The following NECTIN3 variants were observed in gnomAD, a reference collection of about 807,000 sequenced individuals.
The protein encoded by NECTIN3 is nectin cell adhesion molecule 3.
Under a neutral mutation model 49.4 loss-of-function variants are expected in NECTIN3, and 8 were observed. The observed-to-expected ratio is 0.16, with a 90% CI of 0.10 to 0.29. The LOEUF (loss-of-function observed/expected upper bound fraction) is 0.29, where lower values mean the gene tolerates loss of function less well. Ranked by LOEUF, NECTIN3 falls within the 10% of genes least tolerant of loss-of-function variation. NECTIN3 has a pLI of 1.00. For missense variants in NECTIN3, 581 were observed against 654.6 expected (o/e 0.89, Z 1.23); for synonymous variants, 277 against 241.1 (o/e 1.15, Z -1.38).
chr3:111,104,205 T>C (rs1200577914), intron 1 of NECTIN3, among the ~76,000 whole-genome samples: 1 of 152,232 alleles, frequency 6.6e-6, no homozygotes, highest in Non-Finnish European at 1.5e-5. Context: ...TGTCCACTCT[T>C]ATGGCTATGT....
intron 1 of NECTIN3, chr3:111,073,278 A>G (rs929519398): frequency 9.9e-5 from 15 of 152,220 alleles, no homozygotes; most frequent in African/African-American, 3.4e-4. Context: ...AGTATTTATT[A>G]AAAGGAGAGA....
intron 1 of NECTIN3, among the ~76,000 whole-genome samples, chr3:111,081,628 G>T (rs1279051856): frequency 6.6e-6 from 1 of 152,170 alleles, no homozygotes; most frequent in African/African-American, 2.4e-5. Flanking sequence ...ACAAAGTATT[G>T]TCGGATTATA....
Position 111,129,029 on chromosome 3 carries a change from T to C in NECTIN3, c.1069+2694T>C, listed in dbSNP as rs149051768. On this transcript the variant is annotated intron_variant, in intron 5 of 5. Coordinates refer to ENST00000485303, the MANE Select transcript of NECTIN3 (RefSeq NM_015480.3). ...ATGATCTCTCTAATTTCATTTCTTA[T>C]ATGTTTTGCTCATTGGCTGAGTCAC... is the stretch of plus-strand genomic sequence containing the variant. Among the ~76,000 whole-genome samples, 50 of 152,336 alleles carry C rather than the reference T, an allele frequency of 3.3e-4. No homozygotes were observed. The East Asian group carries it at 7.7e-3, about 24-fold the overall frequency.
Position 111,167,214 on chromosome 3 carries a change from T to C in NECTIN3, c.1221+19730T>C, listed in dbSNP as rs185615290. Among the ~76,000 whole-genome samples the C allele has an allele frequency of 6.9e-3, 1,055 of 152,322 alleles. 2 individuals carry two copies. Among genetic ancestry groups the C allele is most frequent in the Non-Finnish European group, 0.011 (773 of 68,016 alleles). Reference sequence around the variant, plus strand: ...AGAGATAACTCTACATCTGGAGATATTTCTGCAGCTGGGAAATAGTTCAAG... The same window carrying C: ...AGAGATAACTCTACATCTGGAGATACTTCTGCAGCTGGGAAATAGTTCAAG... On this transcript the variant is annotated intron_variant, in intron 7 of 8. Transcript: ENST00000493615.
chr3:111,099,889 A>C (rs955961428), intron 1 of NECTIN3, among the ~76,000 whole-genome samples: 1 of 152,222 alleles, frequency 6.6e-6, no homozygotes, highest in South Asian at 2.1e-4. Context: ...GTTAGTACCT[A>C]TTTCCATGTT....
chr3:111,137,751 C>G (rs926473269), downstream of NECTIN3, among the ~76,000 whole-genome samples: 6 of 147,876 alleles, frequency 4.1e-5, no homozygotes, highest in African/African-American at 1.5e-4. Flanking sequence ...GGCATGTTGG[C>G]CACTGTAAAA....
chr3:111,095,273 C>T (rs921495742), intron 1 of NECTIN3, among the ~76,000 whole-genome samples: 5 of 151,940 alleles, frequency 3.3e-5, no homozygotes, highest in Admixed American at 1.3e-4. Flanking sequence ...AAAAAGGAAC[C>T]TAAATTTGCT....
At chr3:111,099,815 C>A (rs577078405) in intron 1 of NECTIN3, among the ~76,000 whole-genome samples, 1 of 152,248 alleles carries the variant, frequency 6.6e-6, no homozygotes, top group East Asian at 1.9e-4. Flanking sequence ...AGTGCCACTA[C>A]AGAATCAGGC....
In NECTIN3 at chr3:111,122,226, C is replaced by A; in HGVS notation, c.905C>A (p.Ser302Tyr). The A allele has an allele frequency of 6.2e-7, 1 of 1,605,354 alleles. No homozygotes were observed. Among genetic ancestry groups the A allele is most frequent in the Non-Finnish European group, 8.5e-7 (1 of 1,172,408 alleles). The change falls in exon 4 of 6, where the codon TCT becomes TAT. Residue 302 changes from serine (S) to tyrosine (Y), a missense_variant. By Grantham distance (144) the Ser-to-Tyr change is moderately radical. Coordinates refer to ENST00000485303, the MANE Select transcript of NECTIN3 (RefSeq NM_015480.3). ...NADANPPPFK[S>Y]VWSRLDGQWP... is the part of the protein sequence containing the mutation. ...GATGCAAATCCACCACCCTTCAAAT[C>A]TGTGTGGAGCAGGTAATGTTATATA...
At chr3:111,102,802 T>C (rs1047812088) in intron 1 of NECTIN3, among the ~76,000 whole-genome samples, 6 of 149,082 alleles carry the variant, frequency 4.0e-5, no homozygotes, top group African/African-American at 1.5e-4. Flanking sequence ...AGGTTGATTA[T>C]CTATTTCAAG....
chr3:111,131,626 T>C (rs1027163288), intron 5 of NECTIN3, among the ~76,000 whole-genome samples: 10 of 152,056 alleles, frequency 6.6e-5, no homozygotes, highest in Non-Finnish European at 1.3e-4. Flanking sequence ...GTAACCCTTT[T>C]GGTTAGATTT....
chr3:111,111,211 T>C (rs2033445877), intron 1 of NECTIN3, among the ~76,000 whole-genome samples: 1 of 152,180 alleles, frequency 6.6e-6, no homozygotes, highest in Admixed American at 6.5e-5. Flanking sequence ...TAGTCATGAA[T>C]GTTAGCTTTA....
intron 7 of NECTIN3, among the ~76,000 whole-genome samples, chr3:111,183,021 C>T (rs1431469815): frequency 6.6e-6 from 1 of 151,960 alleles, no homozygotes; most frequent in Non-Finnish European, 1.5e-5. Flanking sequence ...TAACTTATCA[C>T]TATCTACCTT....
chr3:111,139,389 G>C (rs1371655508), downstream of NECTIN3, among the ~76,000 whole-genome samples: 1 of 151,576 alleles, frequency 6.6e-6, no homozygotes, highest in Non-Finnish European at 1.5e-5. Flanking sequence ...TGCTTCATTT[G>C]TTCTAAATTT....
At chr3:111,193,244 A>C (rs754747519) in intron 1 of NECTIN3, 8 of 1,532,096 alleles carry the variant, frequency 5.2e-6, no homozygotes, top group Non-Finnish European at 6.1e-6. Context: ...ATGAGAATCC[A>C]GTTGGGGAAG....
At chr3:111,117,973 G>A (rs1166610697) in intron 2 of NECTIN3, among the ~76,000 whole-genome samples, 1 of 151,866 alleles carries the variant, frequency 6.6e-6, no homozygotes, top group Non-Finnish European at 1.5e-5. Flanking sequence ...ACGTTAGGAT[G>A]AGCTTAAAGT....
chr3:111,137,867 TG>T (rs1477567278), downstream of NECTIN3, among the ~76,000 whole-genome samples: 2 of 149,820 alleles, frequency 1.3e-5, no homozygotes, highest in Admixed American at 1.3e-4. Context: ...TGTGCCATGG[TG>T]GTTTACTACA....
At chr3:111,153,912 T>C (rs192729875) in intron 7 of NECTIN3, among the ~76,000 whole-genome samples, 105 of 152,244 alleles carry the variant, frequency 6.9e-4, no homozygotes, top group African/African-American at 2.4e-3. Flanking sequence ...AAAAAAATTG[T>C]CTGTGGAGCT....
upstream of NECTIN3, among the ~76,000 whole-genome samples, chr3:111,188,643 A>G (rs2035762682): frequency 6.6e-6 from 1 of 152,228 alleles, no homozygotes; most frequent in African/African-American, 2.4e-5. Context: ...GTTTGTATTG[A>G]AGCAGAGTAG....
Sources: allele counts gnomAD v4.1 joint callset (sites outside exome capture counted in the v4.1 genomes callset), GRCh38; gene constraint gnomAD v4.1.1; transcripts MANE v1.5; gene names NCBI Gene and HGNC (gene_info 2026-07-23, HGNC 2026-07-21).